Variants in CERS3 observed in about 807,000 individuals in gnomAD.
CERS3 encodes ceramide synthase 3.
CERS3 carries 33 observed loss-of-function variants against 50.3 expected under a neutral mutation model. The observed-to-expected ratio is 0.66, with a 90% CI of 0.50 to 0.88. CERS3 has a LOEUF of 0.88. Among genes scored for constraint, CERS3 ranks in the 40% least tolerant of loss-of-function variants. The probability of loss-of-function intolerance (pLI) is 0.00; values close to 1 mark genes in which losing one functional copy is unlikely to be tolerated. For synonymous variants in CERS3, 176 were observed against 155.2 expected (o/e 1.13, Z -0.99); for missense variants, 470 against 460.3 (o/e 1.02, Z -0.19).
intron 11 of CERS3, among the ~76,000 whole-genome samples, chr15:100,423,900 AT>A (rs2032634823): frequency 6.9e-6 from 1 of 144,392 alleles, no homozygotes; most frequent in African/African-American, 2.6e-5. Context: ...AGTTAATTAA[AT>A]TTTTTTCTCC....
At chr15:100,434,332 AC>A (rs1389903883) in intron 11 of CERS3, among the ~76,000 whole-genome samples, 5 of 151,724 alleles carry the variant, frequency 3.3e-5, no homozygotes, top group African/African-American at 1.2e-4. Context: ...CCAAGGAGAC[AC>A]CCTTTGAAGA....
intron 1 of CERS3, among the ~76,000 whole-genome samples, chr15:100,537,527 G>A (rs989648786): frequency 3.3e-5 from 5 of 152,218 alleles, no homozygotes; most frequent in African/African-American, 1.2e-4. Flanking sequence ...AAAAGGTGAA[G>A]AGGAAGCAAG....
chr15:100,483,594 G>A (rs2035381222), intron 5 of CERS3, among the ~76,000 whole-genome samples: 1 of 151,604 alleles, frequency 6.6e-6, no homozygotes, highest in Admixed American at 6.6e-5. Flanking sequence ...AGGTGCCAGG[G>A]GCAGTATGAT....
chr15:100,438,022 G>A lies in CERS3; in HGVS notation c.999+17871C>T, dbSNP rs567369532. On this transcript the variant is annotated intron_variant, in intron 11 of 11. Transcript: ENST00000679737. ...CTATGATCTTGATTACTCATCAATTGGATTATGTACCCACTTTTTTTTTTT... is the reference window on the plus strand; with the variant it reads ...CTATGATCTTGATTACTCATCAATTAGATTATGTACCCACTTTTTTTTTTT... 5 of 147,266 alleles carry A rather than the reference G, an allele frequency of 3.4e-5. No homozygotes were observed. In the East Asian group the frequency reaches 6.0e-4, roughly 18 times the overall value. 9.1% of individuals were successfully genotyped at this position (147,266 alleles called of 1,614,324 possible). A position where few individuals can be genotyped will look rare whatever the true frequency, so the allele number is the denominator to read the frequency against.
At chr15:100,533,357 G>A (rs1161308587), upstream of CERS3, among the ~76,000 whole-genome samples, 1 of 152,192 alleles carries the variant, frequency 6.6e-6, no homozygotes, top group Non-Finnish European at 1.5e-5. Context: ...GGTTAGAACA[G>A]TTCCTGGCAC....
intron 1 of CERS3, among the ~76,000 whole-genome samples, chr15:100,537,140 G>A (rs1270260222): frequency 6.6e-6 from 1 of 152,176 alleles, no homozygotes; most frequent in Non-Finnish European, 1.5e-5. Flanking sequence ...TCAAGAAGGG[G>A]TACTCTCTCT....
intron 4 of CERS3, among the ~76,000 whole-genome samples, chr15:100,490,295 T>C (rs1463725444): frequency 6.6e-6 from 1 of 152,198 alleles, no homozygotes; most frequent in Non-Finnish European, 1.5e-5. Context: ...GAACTGTGAC[T>C]CTTAGAAATT....
chr15:100,544,457 T>TCG (rs1567697396), intron 1 of CERS3: 20 of 140,716 alleles, frequency 1.4e-4, no homozygotes, highest in Non-Finnish European at 2.4e-4. Context: ...TCTCTCGGCC[T>TCG]AGGTCTGCGC....
intron 10 of CERS3, among the ~76,000 whole-genome samples, chr15:100,459,838 T>C (rs1027169916): frequency 6.6e-6 from 1 of 152,162 alleles, no homozygotes; most frequent in African/African-American, 2.4e-5. Context: ...TATTTTTATT[T>C]AATGTATAGT....
At chr15:100,521,587 G>A (rs747253657) in intron 2 of CERS3, 80 bp downstream of exon 2, 1 of 152,132 alleles carries the variant, frequency 6.6e-6, no homozygotes, top group Non-Finnish European at 1.5e-5. Flanking sequence ...ATCAACTTCT[G>A]AGTCACAGAT....
upstream of CERS3, among the ~76,000 whole-genome samples, chr15:100,531,105 A>C (rs558216867): frequency 6.6e-6 from 1 of 152,222 alleles, no homozygotes; most frequent in Non-Finnish European, 1.5e-5. Context: ...AAAACAAAAA[A>C]CAAAAAAACC....
At chr15:100,416,551 G>T (rs900843987) in intron 11 of CERS3, among the ~76,000 whole-genome samples, 4 of 152,218 alleles carry the variant, frequency 2.6e-5, no homozygotes, top group Non-Finnish European at 5.9e-5. Flanking sequence ...GTTCCACATG[G>T]CTGGGGAGGC....
At chr15:100,426,714 C>T (rs1370999916) in intron 11 of CERS3, among the ~76,000 whole-genome samples, 1 of 152,198 alleles carries the variant, frequency 6.6e-6, no homozygotes, top group Non-Finnish European at 1.5e-5. Context: ...CCGTGTGGGC[C>T]TCTTTCAGGC....
chr15:100,544,620 T>G (rs907791605), intron 1 of CERS3: 1 of 152,310 alleles, frequency 6.6e-6, no homozygotes, highest in African/African-American at 2.4e-5. Flanking sequence ...CCACCTGCCG[T>G]CCCCGCACCC....
intron 11 of CERS3, chr15:100,426,182 A>G (rs2032800332): frequency 6.6e-6 from 1 of 152,236 alleles, no homozygotes. Flanking sequence ...TATTCAATTA[A>G]TAAACTAAAT....
Position 100,476,121 on chromosome 15 carries a change from G to A in CERS3, c.574C>T (p.Leu192=). ...YILEMSFYWS[L]LFRLGFDVKR... is the part of the protein sequence containing the mutation. ...ACATCAAAGCCAAGTCTAAATAACAGAGACCAATAAAAACTCATTTCTAAA... is the reference window on the plus strand; with the variant it reads ...ACATCAAAGCCAAGTCTAAATAACAAAGACCAATAAAAACTCATTTCTAAA... Residue 192 remains leucine (L), a synonymous_variant, in exon 8 of 12, where the codon CTG becomes TTG. Coordinates refer to ENST00000679737, the MANE Select transcript of CERS3 (RefSeq NM_001378789.1). 6.3e-7 allele frequency: 1 copy of A among 1,579,468 alleles called. No individual in the cohort carries two copies. The highest frequency in any genetic ancestry group is 8.6e-7 in the Non-Finnish European group (1 of 1,167,492).
intron 10 of CERS3, among the ~76,000 whole-genome samples, chr15:100,460,290 C>T (rs533180872): frequency 6.6e-6 from 1 of 152,214 alleles, no homozygotes; most frequent in Non-Finnish European, 1.5e-5. Context: ...CAGAGAGTAC[C>T]TACCTTATTT....
Position 100,443,014 on chromosome 15 carries a change from C to T in CERS3, c.999+12879G>A, listed in dbSNP as rs1302110033. 2.7e-5 allele frequency among the ~76,000 whole-genome samples: 4 copies of T among 147,398 alleles called. No individual in the cohort carries two copies. In the East Asian group the frequency reaches 8.1e-4, roughly 30 times the overall value. On this transcript the variant is annotated intron_variant, in intron 11 of 11. Transcript: ENST00000679737. ...TTAGACAATACTCTTTTAAGCACTC[C>T]TTTTTAGTTATCCCCACCTGCCCAG...
At chr15:100,470,533 G>C (rs1049101742) in intron 9 of CERS3, among the ~76,000 whole-genome samples, 2 of 152,150 alleles carry the variant, frequency 1.3e-5, no homozygotes, top group Non-Finnish European at 2.9e-5. Flanking sequence ...CTGTAGTGGA[G>C]TGGGAGGCTG....
Sources: allele counts gnomAD v4.1 joint callset (sites outside exome capture counted in the v4.1 genomes callset), GRCh38; gene constraint gnomAD v4.1.1; transcripts MANE v1.5; gene names NCBI Gene and HGNC (gene_info 2026-07-23, HGNC 2026-07-21).